PHF21B: variants seen among roughly 807,000 people sequenced by gnomAD.
PHF21B encodes PHD finger protein 4.
Under a neutral mutation model 62.2 loss-of-function variants are expected in PHF21B, and 22 were observed. The ratio of observed to expected loss-of-function variants is 0.35; its 90% confidence interval spans 0.25 to 0.51. PHF21B has a LOEUF of 0.51. Among genes scored for constraint, PHF21B ranks in the 20% least tolerant of loss-of-function variants. The probability of loss-of-function intolerance (pLI) is 0.97; values close to 1 mark genes in which losing one functional copy is unlikely to be tolerated. For missense variants in PHF21B, 701 were observed against 707.9 expected (o/e 0.99, Z 0.11); for synonymous variants, 341 against 314.7 (o/e 1.08, Z -0.88).
intron 2 of PHF21B, among the ~76,000 whole-genome samples, chr22:44,972,150 G>A (rs1358639390): frequency 6.6e-6 from 1 of 152,222 alleles, no homozygotes; most frequent in African/African-American, 2.4e-5. Flanking sequence ...ACATGAATGA[G>A]AGATAAAGGC....
At chr22:44,948,164 A>G (rs954699605) in intron 2 of PHF21B, among the ~76,000 whole-genome samples, 1 of 152,192 alleles carries the variant, frequency 6.6e-6, no homozygotes, top group Admixed American at 6.5e-5. Context: ...ATTCAAGCAC[A>G]TTACATTTAT....
chr22:44,964,084 C>A (rs1389407760), intron 2 of PHF21B, among the ~76,000 whole-genome samples: 1 of 152,198 alleles, frequency 6.6e-6, no homozygotes, highest in African/African-American at 2.4e-5. Flanking sequence ...GGAGTGGACC[C>A]AACAAGAGCA....
chr22:44,896,153 C>T (rs550464207), intron 5 of PHF21B, 70 bp from the exon 6 acceptor site: 43 of 1,568,076 alleles, frequency 2.7e-5, no homozygotes, highest in Non-Finnish European at 3.5e-5. Flanking sequence ...CAACAAACAT[C>T]TGCTGTGGCA....
At chr22:44,920,213 C>T (rs559658189) in intron 3 of PHF21B, among the ~76,000 whole-genome samples, 185 bp downstream of exon 3, 62 of 152,336 alleles carry the variant, frequency 4.1e-4, no homozygotes, top group Middle Eastern at 3.4e-3. Context: ...GCTGAAGAAA[C>T]GTATCTGGTC....
chr22:44,884,301 A>G (rs1296679407), intron 12 of PHF21B, among the ~76,000 whole-genome samples: 1 of 136,226 alleles, frequency 7.3e-6, no homozygotes, highest in African/African-American at 3.0e-5. Flanking sequence ...TATCACCACC[A>G]CCACCATCAC....
intron 2 of PHF21B, among the ~76,000 whole-genome samples, chr22:44,961,794 T>G (rs910238560): frequency 6.6e-6 from 1 of 151,580 alleles, no homozygotes; most frequent in Non-Finnish European, 1.5e-5. Context: ...TGAGCCGAGG[T>G]TGCGCGCACC....
At chr22:44,984,416 G>A (rs1036414238) in intron 2 of PHF21B, among the ~76,000 whole-genome samples, 17 of 152,232 alleles carry the variant, frequency 1.1e-4, no homozygotes, top group Admixed American at 2.0e-4. Context: ...TCAAACTTCA[G>A]GGGATCCCGA....
chr22:44,887,735 A>G, intron 10 of PHF21B, among the ~76,000 whole-genome samples: 1 of 148,942 alleles, frequency 6.7e-6, no homozygotes, highest in South Asian at 2.2e-4. Flanking sequence ...AGCCTGGGCA[A>G]CAGAACGAGA....
At chr22:44,967,443 G>T (rs1010734262) in intron 2 of PHF21B, among the ~76,000 whole-genome samples, 2 of 152,036 alleles carry the variant, frequency 1.3e-5, no homozygotes, top group Admixed American at 6.6e-5. Flanking sequence ...GGATAGTCTC[G>T]ATCTCCTGAC....
Position 44,909,181 on chromosome 22 carries a change from C to T in PHF21B, c.831+4641G>A, listed in dbSNP as rs559744498. 9.2e-5 allele frequency among the ~76,000 whole-genome samples: 14 copies of T among 152,326 alleles called. No individual in the cohort carries two copies. In the South Asian group the frequency reaches 1.2e-3, roughly 14 times the overall value. Reference sequence around the variant, plus strand: ...TGCAAGTTCTATCTATCTAAGTCATCGCATATGTTTACACTAATTATGTAA... The same window carrying T: ...TGCAAGTTCTATCTATCTAAGTCATTGCATATGTTTACACTAATTATGTAA... On this transcript the variant is annotated intron_variant, in intron 5 of 12. Transcript: ENST00000313237.
intron 5 of PHF21B, among the ~76,000 whole-genome samples, chr22:44,908,827 T>C (rs2071296881): frequency 6.6e-6 from 1 of 152,254 alleles, no homozygotes; most frequent in Admixed American, 6.5e-5. Context: ...AGATGGAGTC[T>C]TGCTCTGTCA....
intron 5 of PHF21B, among the ~76,000 whole-genome samples, chr22:44,899,285 C>CTTTTTTTTTTT (rs71188499): frequency 1.4e-4 from 14 of 97,552 alleles, no homozygotes; most frequent in Admixed American, 2.5e-4. Context: ...TGTTCTTATT[C>CTTTTTTTTTTT]TTTTTTTTTT....
At chr22:44,902,703 G>A (rs1156487734) in intron 5 of PHF21B, among the ~76,000 whole-genome samples, 1 of 151,960 alleles carries the variant, frequency 6.6e-6, no homozygotes, top group African/African-American at 2.4e-5. Context: ...TTCCTTCTTA[G>A]TGCTGATTGT....
intron 2 of PHF21B, among the ~76,000 whole-genome samples, chr22:44,983,061 C>A (rs1254741413): frequency 6.6e-6 from 1 of 152,086 alleles, no homozygotes; most frequent in Non-Finnish European, 1.5e-5. Context: ...CGGACCAACC[C>A]TGTCTCCACT....
intron 2 of PHF21B, among the ~76,000 whole-genome samples, chr22:44,991,843 G>A (rs2073047068): frequency 6.6e-6 from 1 of 152,270 alleles, no homozygotes; most frequent in African/African-American, 2.4e-5. Context: ...CTTACAGGGT[G>A]AAGGGGCTGC....
At chr22:44,896,520 G>A (rs1051007779) in intron 5 of PHF21B, among the ~76,000 whole-genome samples, 1 of 152,240 alleles carries the variant, frequency 6.6e-6, no homozygotes, top group East Asian at 1.9e-4. Context: ...ATACTTTAAA[G>A]AGCTAAGGTG....
intron 5 of PHF21B, among the ~76,000 whole-genome samples, chr22:44,905,774 A>G (rs1601585671): frequency 6.6e-6 from 1 of 152,060 alleles, no homozygotes; most frequent in Non-Finnish European, 1.5e-5. Flanking sequence ...GACTACAGGC[A>G]CCCGCCACCA....
intron 3 of PHF21B, among the ~76,000 whole-genome samples, chr22:44,918,611 T>A (rs1346342395): frequency 6.6e-6 from 1 of 152,194 alleles, no homozygotes; most frequent in Non-Finnish European, 1.5e-5. Context: ...CCTACTCTGT[T>A]GCCCGTGAGC....
intron 2 of PHF21B, among the ~76,000 whole-genome samples, chr22:44,928,069 G>A (rs564134465): frequency 1.8e-4 from 27 of 152,296 alleles, no homozygotes; most frequent in African/African-American, 6.0e-4. Context: ...AAAGCCACAT[G>A]TGGCTCTGGA....
Sources: gnomAD v4.1 joint callset for allele counts (sites outside exome capture counted in the v4.1 genomes callset) on GRCh38, gnomAD v4.1.1 for gene constraint, MANE v1.5 for transcripts, NCBI Gene and HGNC (gene_info 2026-07-23, HGNC 2026-07-21) for gene names.